The following AGGF1 variants were observed in gnomAD, a reference collection of about 807,000 sequenced individuals.
AGGF1 encodes the protein angiogenic factor with G patch and FHA domains 1.
AGGF1 carries 56 observed loss-of-function variants against 86.5 expected under a neutral mutation model. The observed-to-expected ratio is 0.65, with a 90% CI of 0.52 to 0.81. AGGF1 has a LOEUF of 0.81. Among genes scored for constraint, AGGF1 ranks in the 30% least tolerant of loss-of-function variants. The pLI is 0.00. For synonymous variants in AGGF1, 313 were observed against 297.1 expected (o/e 1.05, Z -0.55); for missense variants, 816 against 850.9 (o/e 0.96, Z 0.51).
chr5:77,043,508 G>C (rs1316389661), intron 5 of AGGF1, among the ~76,000 whole-genome samples: 2 of 135,764 alleles, frequency 1.5e-5, no homozygotes, highest in East Asian at 2.5e-4. Flanking sequence ...CCTCCCTCCC[G>C]GACGGGGCGG....
intron 11 of AGGF1, among the ~76,000 whole-genome samples, chr5:77,059,219 T>C (rs1053360473): frequency 2.6e-5 from 4 of 152,236 alleles, no homozygotes; most frequent in Admixed American, 1.3e-4. Context: ...TATACTGTTA[T>C]TTTCACCATG....
intron 10 of AGGF1, among the ~76,000 whole-genome samples, chr5:77,054,807 C>T (rs1747432415): frequency 6.6e-6 from 1 of 152,100 alleles, no homozygotes; most frequent in Non-Finnish European, 1.5e-5. Flanking sequence ...AAAAAGTCAT[C>T]CACAGTTGAA....
chr5:77,046,450 A>G lies in AGGF1; in HGVS notation c.974A>G (p.His325Arg), dbSNP rs544570787. The G allele has an allele frequency of 7.9e-5, 128 of 1,614,094 alleles. 2 individuals carry two copies. In the South Asian group the frequency reaches 1.3e-3, roughly 16 times the overall value. ...AAAAAGAAGGCCAAAATAGGCATTC[A>G]TCACAAAAATAGTCCCCCCAAAGTC... Reference protein sequence around the residue: ...NMKKKAKIGIHHKNSPPKVTV... With the variant: ...NMKKKAKIGIRHKNSPPKVTV... Residue 325 changes from histidine (H) to arginine (R), a missense_variant, in exon 6 of 14, where the codon CAT becomes CGT. This residue lies in a region of AGGF1 where 565 missense variants were observed against 585.8 expected (regional missense o/e 0.96). Coordinates refer to ENST00000312916, the MANE Select transcript of AGGF1 (RefSeq NM_018046.5).
At chr5:77,056,145 T>C (rs1747453190) in intron 11 of AGGF1, among the ~76,000 whole-genome samples, 1 of 151,758 alleles carries the variant, frequency 6.6e-6, no homozygotes, top group Non-Finnish European at 1.5e-5. Flanking sequence ...AAAATAATAG[T>C]CCAGAAGTAG....
At chr5:77,040,944 C>T (rs1212327964) in intron 5 of AGGF1, among the ~76,000 whole-genome samples, 1 of 152,094 alleles carries the variant, frequency 6.6e-6, no homozygotes. Flanking sequence ...CTCACTGCAT[C>T]CTCGACCTCC....
intron 5 of AGGF1, among the ~76,000 whole-genome samples, chr5:77,042,188 A>G (rs1372678843): frequency 6.6e-6 from 1 of 151,670 alleles, no homozygotes; most frequent in African/African-American, 2.4e-5. Context: ...GCAGAACAAA[A>G]TGAAGTCTCC....
In AGGF1 at chr5:77,052,697, C is replaced by T. The variant is rs201417159; in HGVS notation, c.1366-9C>T. The T allele has an allele frequency of 1.3e-6, 2 of 1,599,330 alleles. No individual in the cohort carries two copies. Among genetic ancestry groups the T allele is most frequent in the Non-Finnish European group, 1.7e-6 (2 of 1,167,238 alleles). On this transcript the variant is annotated splice_polypyrimidine_tract_variant and intron_variant, in intron 8 of 13. Coordinates refer to ENST00000312916, the MANE Select transcript of AGGF1 (RefSeq NM_018046.5). ...AATAATTAATAATTGCTTGATTTCACTTTCTAAGTTTCATGCAGAAATTTA... is the reference window on the plus strand; with the variant it reads ...AATAATTAATAATTGCTTGATTTCATTTTCTAAGTTTCATGCAGAAATTTA...
In AGGF1 at chr5:77,035,538, C is replaced by A. The variant is rs377450543; in HGVS notation, c.314-3C>A. On this transcript the variant is annotated splice_polypyrimidine_tract_variant and splice_region_variant and intron_variant, in intron 2 of 13. Transcript: ENST00000312916. ...ACGATTTCACTTCATTTTTTTGCTA[C>A]AGATTATTTTTATCAGACGTACTAC... is the stretch of plus-strand genomic sequence containing the variant. 4 of 1,606,018 alleles carry A rather than the reference C, an allele frequency of 2.5e-6. No individual in the cohort carries two copies. The African/African-American group carries it at 5.3e-5, about 21-fold the overall frequency.
intron 8 of AGGF1, among the ~76,000 whole-genome samples, chr5:77,049,618 C>T (rs74531011): frequency 0.11 from 16,835 of 149,004 alleles, 1,072 homozygotes; most frequent in East Asian, 0.28. Flanking sequence ...GATGTGATCA[C>T]GACTCACTGC....
At position 77,034,304 on chromosome 5, in the gene AGGF1, A is replaced by G. The variant is rs963842076; in HGVS notation, c.211-114A>G. On this transcript the variant is annotated intron_variant, in intron 1 of 13. Coordinates refer to ENST00000312916, the MANE Select transcript of AGGF1 (RefSeq NM_018046.5). ...TAATTTTAGCTTTTCTGAAAGGGAA[A>G]CTTGCTGCTCTTGACATTTCTCTAA... is the stretch of plus-strand genomic sequence containing the variant. The G allele has an allele frequency of 9.8e-6, 7 of 717,320 alleles. No homozygotes were observed. In the African/African-American group the frequency reaches 1.3e-4, roughly 13 times the overall value. The allele number at this position is 717,320 out of a possible 1,614,324, so 44.4% of individuals were successfully genotyped here.
intron 8 of AGGF1, among the ~76,000 whole-genome samples, chr5:77,050,144 G>T (rs1304448072): frequency 1.3e-5 from 2 of 151,800 alleles, no homozygotes; most frequent in Non-Finnish European, 2.9e-5. Context: ...AGCAGATTAT[G>T]TTGCTTTTTT....
In AGGF1 at chr5:77,046,674, G is replaced by A; in HGVS notation, c.1198G>A (p.Glu400Lys). The A allele has an allele frequency of 6.2e-7, 1 of 1,613,534 alleles. No homozygotes were observed. Among genetic ancestry groups the A allele is most frequent in the Non-Finnish European group, 8.5e-7 (1 of 1,179,574 alleles). Residue 400 changes from glutamate (E) to lysine (K), a missense_variant, in exon 6 of 14, where the codon GAA becomes AAA. By Grantham distance (56) the Glu-to-Lys change is moderately conservative. Around this residue, in one of 3 missense-constraint regions of AGGF1, gnomAD observed 565 missense variants for 585.8 expected, o/e 0.96. Transcript: ENST00000312916. ...GNVTAEDSED[E>K]DEDKIWPPCI... Reference sequence around the variant, plus strand: ...TGTAACTGCAGAAGATAGTGAGGATGAAGGTGAGTAAATAATCATTATTTA... The same window carrying A: ...TGTAACTGCAGAAGATAGTGAGGATAAAGGTGAGTAAATAATCATTATTTA...
intron 10 of AGGF1, among the ~76,000 whole-genome samples, chr5:77,054,578 G>A (rs968410096): frequency 6.6e-6 from 1 of 152,142 alleles, no homozygotes; most frequent in African/African-American, 2.4e-5. Flanking sequence ...TAGATTTTAA[G>A]TGTTTTTACC....
At chr5:77,037,757 C>G (rs1289486032) in intron 4 of AGGF1, among the ~76,000 whole-genome samples, 2 of 152,154 alleles carry the variant, frequency 1.3e-5, no homozygotes, top group African/African-American at 4.8e-5. Context: ...GACTAGGTGA[C>G]AGAGTGAGAC....
In AGGF1 at chr5:77,054,084, G is replaced by T; in HGVS notation, c.1587G>T (p.Gly529=). 1.2e-6 allele frequency: 2 copies of T among 1,614,132 alleles called. No individual in the cohort carries two copies. The highest frequency in any genetic ancestry group is 1.7e-6 in the Non-Finnish European group (2 of 1,180,022). Residue 529 remains glycine, a synonymous_variant, in exon 10 of 14, where the codon GGG becomes GGT. Coordinates refer to ENST00000312916, the MANE Select transcript of AGGF1 (RefSeq NM_018046.5). ...ATACCTGTGATGGCTGTGAACCAGG[G>T]CAGGTTAGAGCCCACCTTCGCCTTG... ...GSDTCDGCEP[G]QVRAHLRLDK... is the part of the protein sequence containing the mutation.
At chr5:77,049,092 A>C in intron 8 of AGGF1, 105 bp downstream of exon 8, 1 of 1,079,232 alleles carries the variant, frequency 9.3e-7, no homozygotes, top group Non-Finnish European at 1.4e-6. Context: ...GAAGGTTAAC[A>C]TGCAGTGTAG....
intron 5 of AGGF1, among the ~76,000 whole-genome samples, chr5:77,043,267 G>A (rs1256732697): frequency 3.2e-4 from 9 of 28,406 alleles, no homozygotes; most frequent in Non-Finnish European, 3.2e-4. Flanking sequence ...CCGGGCAGAG[G>A]CGCCCCTCAC....
intron 5 of AGGF1, among the ~76,000 whole-genome samples, chr5:77,043,695 C>T (rs1425647661): frequency 7.0e-6 from 1 of 143,852 alleles, no homozygotes; most frequent in Non-Finnish European, 1.6e-5. Context: ...CCCCACCTCC[C>T]TCCCGGACGG....
At chr5:77,048,111 TC>T (rs769341504) in intron 6 of AGGF1, 49 bp from the exon 7 acceptor site, 1 of 1,191,990 alleles carries the variant, frequency 8.4e-7, no homozygotes, top group East Asian at 2.3e-5. Context: ...CCTATGAAGT[TC>T]TTTTTCATAG....
Sources: allele counts gnomAD v4.1 joint callset (sites outside exome capture counted in the v4.1 genomes callset), GRCh38; gene constraint gnomAD v4.1.1; regional missense constraint gnomAD v4.1.1; transcripts MANE v1.5; gene names NCBI Gene and HGNC (gene_info 2026-07-23, HGNC 2026-07-21).